The following EFR3B variants were observed in gnomAD, a reference collection of about 807,000 sequenced individuals.
The protein encoded by EFR3B is EFR3 homolog B.
A neutral mutation model predicts 104.7 loss-of-function variants in EFR3B; 64 were observed. The ratio of observed to expected loss-of-function variants is 0.61; its 90% CI spans 0.50 to 0.75. The LOEUF (loss-of-function observed/expected upper bound fraction) is 0.75, where lower values mean the gene tolerates loss of function less well. Among genes scored for constraint, EFR3B ranks in the 30% least tolerant of loss-of-function variants. EFR3B has a pLI of 0.00. For synonymous variants in EFR3B, 385 were observed against 417.9 expected (o/e 0.92, Z 0.96); for missense variants, 750 against 1,078.5 (o/e 0.70, Z 4.27).
At chr2:25,087,776 G>A (rs985751221) in intron 1 of EFR3B, among the ~76,000 whole-genome samples, 1 of 152,208 alleles carries the variant, frequency 6.6e-6, no homozygotes, top group Admixed American at 6.5e-5. Context: ...CCCAGCCAAA[G>A]AGCAGGAATT....
chr2:25,119,219 A>G (rs920081622), intron 4 of EFR3B, among the ~76,000 whole-genome samples: 2 of 152,234 alleles, frequency 1.3e-5, no homozygotes, highest in Non-Finnish European at 2.9e-5. Context: ...TGTTTTGCAC[A>G]TGGGAAAACC....
intron 1 of EFR3B, among the ~76,000 whole-genome samples, chr2:25,078,719 A>G (rs978839018): frequency 6.6e-6 from 1 of 152,196 alleles, no homozygotes; most frequent in African/African-American, 2.4e-5. Flanking sequence ...GTGGGAGAAG[A>G]TTATATAAGG....
intron 17 of EFR3B, 24 bp downstream of exon 17, chr2:25,141,457 G>A (rs1392013365): frequency 1.3e-6 from 2 of 1,550,338 alleles, no homozygotes; most frequent in Middle Eastern, 1.7e-4. Context: ...GGGGGACGTG[G>A]TCAGGGATCC....
chr2:25,076,587 G>A (rs568718159), intron 1 of EFR3B, among the ~76,000 whole-genome samples: 39 of 152,028 alleles, frequency 2.6e-4, no homozygotes, highest in Non-Finnish European at 4.6e-4. Context: ...AAAATGGTTG[G>A]GATAAAATTT....
chr2:25,099,742 G>A lies in EFR3B; in HGVS notation c.213-3895G>A, dbSNP rs573798156. On this transcript the variant is annotated intron_variant, in intron 3 of 22. Coordinates refer to ENST00000403714, the MANE Select transcript of EFR3B (RefSeq NM_014971.2). ...AGCTCATGTCTGAGGCAGTCTGACTGTGCAATATCTGAAACTGGGTAGCTG... is the reference window on the plus strand; with the variant it reads ...AGCTCATGTCTGAGGCAGTCTGACTATGCAATATCTGAAACTGGGTAGCTG... 8.6e-5 allele frequency among the ~76,000 whole-genome samples: 13 copies of A among 151,988 alleles called. No individual in the cohort carries two copies. In the South Asian group the frequency reaches 2.3e-3, roughly 27 times the overall value.
intron 1 of EFR3B, among the ~76,000 whole-genome samples, chr2:25,086,299 T>G (rs954148417): frequency 2.1e-4 from 32 of 152,264 alleles, no homozygotes; most frequent in African/African-American, 6.7e-4. Context: ...ATTGCTGGAT[T>G]GTATGGTAAG....
chr2:25,140,941 T>C (rs1670644938), intron 16 of EFR3B, among the ~76,000 whole-genome samples: 1 of 148,932 alleles, frequency 6.7e-6, no homozygotes, highest in African/African-American at 2.5e-5. Context: ...CTCGGGAGGC[T>C]GAGGCAGGAG....
intron 1 of EFR3B, chr2:25,080,820 T>C: frequency 1.1e-6 from 1 of 926,898 alleles, no homozygotes; most frequent in Non-Finnish European, 1.8e-6. Flanking sequence ...TCCATCTGAA[T>C]CTTCACCATT....
intron 1 of EFR3B, among the ~76,000 whole-genome samples, chr2:25,071,777 A>C (rs1314438450): frequency 6.6e-6 from 1 of 152,086 alleles, no homozygotes; most frequent in African/African-American, 2.4e-5. Context: ...CTTAATCGAT[A>C]CCTTTCAGCC....
Position 25,042,345 on chromosome 2 carries a change from C to G in EFR3B, c.7+26C>G, listed in dbSNP as rs1028391083. On this transcript the variant is annotated intron_variant, in intron 1 of 22. Transcript: ENST00000403714. The surrounding 1 kb of genome is among the most constrained non-coding windows in gnomAD (Gnocchi z 5.4). ...GTAAGGAGGGCTCCGCGCCCGGGCCCGGGCCCGCGGGGGCGACTCCGCAAA... is the reference window on the plus strand; with the variant it reads ...GTAAGGAGGGCTCCGCGCCCGGGCCGGGGCCCGCGGGGGCGACTCCGCAAA... The G allele has an allele frequency of 3.2e-6, 4 of 1,257,980 alleles. No individual in the cohort carries two copies. The highest frequency in any genetic ancestry group is 4.0e-6 in the Non-Finnish European group (4 of 1,000,200). 77.9% of individuals were successfully genotyped at this position (1,257,980 alleles called of 1,614,324 possible).
chr2:25,060,540 A>G (rs1217143501), intron 1 of EFR3B, among the ~76,000 whole-genome samples: 1 of 152,146 alleles, frequency 6.6e-6, no homozygotes, highest in Non-Finnish European at 1.5e-5. Context: ...TGGAGGGATG[A>G]TTATCAAAAT....
intron 2 of EFR3B, 83 bp from the exon 3 acceptor site, chr2:25,092,920 C>T (rs1187653722): frequency 1.1e-5 from 16 of 1,479,562 alleles, no homozygotes; most frequent in East Asian, 7.4e-5. Context: ...ATGTTGATTC[C>T]GTCGAATTAT....
At chr2:25,083,146 T>C (rs1668856717) in intron 1 of EFR3B, among the ~76,000 whole-genome samples, 1 of 152,210 alleles carries the variant, frequency 6.6e-6, no homozygotes, top group South Asian at 2.1e-4. Flanking sequence ...TTTCCCTCTC[T>C]TCCTTAAAAT....
intron 19 of EFR3B, among the ~76,000 whole-genome samples, chr2:25,148,443 TG>T (rs1409792220): frequency 6.6e-6 from 1 of 151,570 alleles, no homozygotes; most frequent in South Asian, 2.1e-4. Context: ...TTAGTAGAGA[TG>T]GGGTTTCACC....
intron 4 of EFR3B, among the ~76,000 whole-genome samples, chr2:25,108,223 G>A (rs1334057328): frequency 1.3e-5 from 2 of 152,156 alleles, no homozygotes; most frequent in South Asian, 2.1e-4. Context: ...GAAGGTGGGG[G>A]AGTCAGGGCC....
intron 5 of EFR3B, among the ~76,000 whole-genome samples, chr2:25,127,799 C>T (rs965321895): frequency 3.3e-5 from 5 of 152,318 alleles, no homozygotes; most frequent in African/African-American, 9.6e-5. Context: ...CCCCTGCCCC[C>T]GCAAGTTGCT....
intron 1 of EFR3B, among the ~76,000 whole-genome samples, chr2:25,069,775 C>T (rs952776683): frequency 1.4e-4 from 21 of 152,348 alleles, no homozygotes; most frequent in Middle Eastern, 3.4e-3. Context: ...TGGCTCACTG[C>T]AACCTCTGCC....
intron 19 of EFR3B, 65 bp from the exon 20 acceptor site, chr2:25,149,629 G>A: frequency 6.7e-7 from 1 of 1,484,568 alleles, no homozygotes; most frequent in African/African-American, 1.4e-5. Flanking sequence ...AGAGCTGGGG[G>A]TGCCAGGGCT....
At position 25,139,187 on chromosome 2, in the gene EFR3B, T is replaced by C; in HGVS notation, c.1851T>C (p.His617=). The C allele has an allele frequency of 6.5e-7, 1 of 1,550,156 alleles. No individual in the cohort carries two copies. Among genetic ancestry groups the C allele is most frequent in the Non-Finnish European group, 8.7e-7 (1 of 1,146,248 alleles). Residue 617 remains histidine, a synonymous_variant, in exon 16 of 23, where the codon CAT becomes CAC. Transcript: ENST00000403714. ...TGCCTGCCTTCTGCCAGCACATCCATGAGGTTGGTGTTCTCACGACCAAGA... is the reference window on the plus strand; with the variant it reads ...TGCCTGCCTTCTGCCAGCACATCCACGAGGTTGGTGTTCTCACGACCAAGA... ...TTVPAFCQHI[H]EVIETRKKEA... is the part of the protein sequence containing the mutation.
Sources: allele counts gnomAD v4.1 joint callset (sites outside exome capture counted in the v4.1 genomes callset), GRCh38; gene constraint gnomAD v4.1.1; non-coding constraint Gnocchi (gnomAD v3.1); transcripts MANE v1.5; gene names NCBI Gene and HGNC (gene_info 2026-07-23, HGNC 2026-07-21).